TMEM132D: variants seen among roughly 807,000 people sequenced by gnomAD.
The protein encoded by TMEM132D is mature OL transmembrane protein.
Under a neutral mutation model 62.3 loss-of-function variants are expected in TMEM132D, and 21 were observed. The ratio of observed to expected loss-of-function variants is 0.34; its 90% CI spans 0.24 to 0.49. TMEM132D has a LOEUF of 0.49. TMEM132D is among the 20% of genes least tolerant of loss of function. TMEM132D has a pLI of 0.99. For synonymous variants in TMEM132D, 621 were observed against 575.6 expected (o/e 1.08, Z -1.13); for missense variants, 1,346 against 1,402.8 (o/e 0.96, Z 0.65).
intron 2 of TMEM132D, among the ~76,000 whole-genome samples, chr12:129,534,271 A>G (rs755478547): frequency 1.3e-5 from 2 of 152,202 alleles, no homozygotes; most frequent in Admixed American, 6.5e-5. Flanking sequence ...GCTTAATAAT[A>G]TATCTACCAT....
intron 4 of TMEM132D, chr12:129,209,929 G>A: frequency 2.2e-6 from 1 of 462,442 alleles, no homozygotes; most frequent in Non-Finnish European, 3.9e-6. Flanking sequence ...TACTAATATT[G>A]TGTTTGGCAA....
intron 1 of TMEM132D, among the ~76,000 whole-genome samples, chr12:129,879,059 T>G (rs1874516388): frequency 6.6e-6 from 1 of 152,242 alleles, no homozygotes; most frequent in Admixed American, 6.5e-5. Flanking sequence ...CCAATTTATT[T>G]TACCAAATTC....
chr12:129,473,961 C>T (rs1874181711), intron 3 of TMEM132D, among the ~76,000 whole-genome samples: 2 of 152,336 alleles, frequency 1.3e-5, no homozygotes, highest in Middle Eastern at 3.4e-3. Context: ...ACAAACCAGG[C>T]ATCTATGAAC....
At chr12:129,794,980 T>C (rs111815570) in intron 1 of TMEM132D, among the ~76,000 whole-genome samples, 43 of 152,328 alleles carry the variant, frequency 2.8e-4, no homozygotes, top group Admixed American at 1.6e-3. Flanking sequence ...GGCTATCAGC[T>C]TCTCCTTTGG....
intron 4 of TMEM132D, among the ~76,000 whole-genome samples, chr12:129,270,996 G>A (rs926624228): frequency 7.2e-5 from 11 of 152,134 alleles, no homozygotes; most frequent in African/African-American, 2.7e-4. Flanking sequence ...ACCCTGTGAC[G>A]GCTGCCTCAA....
In TMEM132D at chr12:129,694,197, A is replaced by G. The variant is rs7969295; in HGVS notation, c.968+5613T>C. Among the ~76,000 whole-genome samples, 242 of 152,356 alleles carry G rather than the reference A, an allele frequency of 1.6e-3. 1 individual carries two copies. The highest frequency in any genetic ancestry group is 5.7e-3 in the African/African-American group (235 of 41,584). ...GTCAGCCCTGGAAGTGAACATCAAC[A>G]GTAGCAAGTCCTGTGGGCTGTACGC... On this transcript the variant is annotated intron_variant, in intron 2 of 8. Coordinates refer to ENST00000422113, the MANE Select transcript of TMEM132D (RefSeq NM_133448.3).
chr12:129,588,240 TA>T, intron 2 of TMEM132D, among the ~76,000 whole-genome samples: 1 of 152,348 alleles, frequency 6.6e-6, no homozygotes, highest in East Asian at 1.9e-4. Context: ...GCAGCACATC[TA>T]CAGATTCTAT....
chr12:129,407,443 T>C (rs906863876), intron 3 of TMEM132D, among the ~76,000 whole-genome samples: 1 of 152,196 alleles, frequency 6.6e-6, no homozygotes, highest in Non-Finnish European at 1.5e-5. Flanking sequence ...AGCTTTAACT[T>C]CCGTTATTTA....
intron 1 of TMEM132D, among the ~76,000 whole-genome samples, chr12:129,740,287 G>A (rs1018342093): frequency 6.6e-6 from 1 of 152,116 alleles, no homozygotes; most frequent in Admixed American, 6.5e-5. Context: ...GACTTTCATG[G>A]TTCAAGACTT....
chr12:129,311,205 A>G (rs1881967304), intron 4 of TMEM132D, among the ~76,000 whole-genome samples: 1 of 44,470 alleles, frequency 2.2e-5, no homozygotes, highest in African/African-American at 4.9e-5. Context: ...CTCAAAAAAA[A>G]AAAAAAAAAA....
intron 2 of TMEM132D, among the ~76,000 whole-genome samples, chr12:129,580,724 T>TAA (rs1293761049): frequency 2.5e-5 from 2 of 80,230 alleles, no homozygotes; most frequent in African/African-American, 4.5e-5. Flanking sequence ...AATAAATAAG[T>TAA]AAATAAAAAT....
intron 1 of TMEM132D, among the ~76,000 whole-genome samples, chr12:129,748,944 G>A (rs993897711): frequency 3.3e-5 from 5 of 152,122 alleles, no homozygotes; most frequent in African/African-American, 9.7e-5. Context: ...TGGACCATTC[G>A]TTCATTTGTG....
intron 2 of TMEM132D, among the ~76,000 whole-genome samples, chr12:129,540,486 C>CTT (rs570157180): frequency 2.7e-5 from 4 of 146,650 alleles, no homozygotes; most frequent in African/African-American, 7.5e-5. Context: ...ATTCAACAAA[C>CTT]TTTTTTTTTT....
At chr12:129,687,811 G>C (rs1339818654) in intron 2 of TMEM132D, among the ~76,000 whole-genome samples, 1 of 152,146 alleles carries the variant, frequency 6.6e-6, no homozygotes, top group Non-Finnish European at 1.5e-5. Flanking sequence ...GAACCCCCAA[G>C]AGCCTGCCAG....
chr12:129,284,831 T>C (rs987533879), intron 4 of TMEM132D, among the ~76,000 whole-genome samples: 5 of 152,174 alleles, frequency 3.3e-5, no homozygotes, highest in Non-Finnish European at 5.9e-5. Flanking sequence ...AGGTTGCATA[T>C]TGTGTGATTC....
chr12:129,379,385 T>C (rs1175456095), intron 3 of TMEM132D, among the ~76,000 whole-genome samples: 1 of 152,180 alleles, frequency 6.6e-6, no homozygotes, highest in African/African-American at 2.4e-5. Flanking sequence ...GTGATAAAGA[T>C]GTCTCTGTCC....
intron 4 of TMEM132D, among the ~76,000 whole-genome samples, chr12:129,248,136 C>A (rs541435578): frequency 6.6e-6 from 1 of 152,238 alleles, no homozygotes; most frequent in East Asian, 1.9e-4. Context: ...AATTTTAACT[C>A]GGAATTTTAA....
chr12:129,845,957 T>C (rs1206779760), intron 1 of TMEM132D, among the ~76,000 whole-genome samples: 1 of 152,228 alleles, frequency 6.6e-6, no homozygotes, highest in East Asian at 1.9e-4. Flanking sequence ...CAGCAATTTC[T>C]AGAAATAGAG....
intron 3 of TMEM132D, among the ~76,000 whole-genome samples, chr12:129,460,996 G>A (rs1207744655): frequency 2.0e-5 from 3 of 152,160 alleles, no homozygotes; most frequent in Non-Finnish European, 4.4e-5. Flanking sequence ...GCTGATACTG[G>A]CAGCCAGAGG....
Sources: gnomAD v4.1 joint callset for allele counts (sites outside exome capture counted in the v4.1 genomes callset) on GRCh38, gnomAD v4.1.1 for gene constraint, MANE v1.5 for transcripts, NCBI Gene and HGNC (gene_info 2026-07-23, HGNC 2026-07-21) for gene names.